Variants in DCDC1 observed in about 807,000 individuals in gnomAD.
DCDC1 encodes doublecortin domain-containing protein 1.
DCDC1 carries 200 observed loss-of-function variants against 178.3 expected under a neutral mutation model. The ratio of observed to expected loss-of-function variants is 1.12; its 90% confidence interval spans 1.00 to 1.26. DCDC1 has a LOEUF of 1.26. Among genes scored for constraint, DCDC1 ranks in the 50% most tolerant of loss-of-function variants. The probability of loss-of-function intolerance (pLI) is 0.00; values close to 1 mark genes in which losing one functional copy is unlikely to be tolerated. For synonymous variants in DCDC1, 690 were observed against 604.8 expected, an observed-to-expected ratio of 1.14 and a Z score of -2.07; for missense variants, 1,983 against 1,749.2, an observed-to-expected ratio of 1.13 and a Z score of -2.38.
chr11:31,128,094 T>C (rs1961903222), intron 10 of DCDC1, among the ~76,000 whole-genome samples: 1 of 152,012 alleles, frequency 6.6e-6, no homozygotes, highest in African/African-American at 2.4e-5. Context: ...TCAATATATA[T>C]ATTAAATTCA....
intron 38 of DCDC1, among the ~76,000 whole-genome samples, chr11:30,869,779 C>T (rs1002252895): frequency 1.3e-5 from 2 of 152,068 alleles, no homozygotes; most frequent in Non-Finnish European, 2.9e-5. Flanking sequence ...GGCTGAGAAC[C>T]CAGACTTCAG....
At chr11:31,041,728 A>G (rs1954469740) in intron 20 of DCDC1, among the ~76,000 whole-genome samples, 1 of 152,174 alleles carries the variant, frequency 6.6e-6, no homozygotes, top group East Asian at 1.9e-4. Flanking sequence ...CTGAAACACA[A>G]GAGAAAAAGA....
At chr11:31,189,051 T>C (rs1045894526) in intron 9 of DCDC1, among the ~76,000 whole-genome samples, 2 of 152,194 alleles carry the variant, frequency 1.3e-5, no homozygotes, top group African/African-American at 4.8e-5. Context: ...AGACACCGAA[T>C]TTGTTGGTGC....
chr11:30,953,928 T>C lies in DCDC1; in HGVS notation c.2592-1360A>G, dbSNP rs1365583391. ...TGTAAGACAAACCAAACAGAAAAAT[T>C]GAGCTAAATAGTTAACATTAACAAA... On this transcript the variant is annotated intron_variant, in intron 20 of 38. Coordinates refer to ENST00000684477, the MANE Select transcript of DCDC1 (RefSeq NM_001387274.1). 2.0e-5 allele frequency among the ~76,000 whole-genome samples: 3 copies of C among 151,620 alleles called. No homozygotes were observed. In the East Asian group the frequency reaches 5.8e-4, roughly 29 times the overall value.
chr11:31,331,319 A>G (rs1327841964), intron 2 of DCDC1, among the ~76,000 whole-genome samples: 1 of 152,230 alleles, frequency 6.6e-6, no homozygotes, highest in African/African-American at 2.4e-5. Flanking sequence ...CAATCATGTC[A>G]TCTGCAAACA....
chr11:31,300,700 A>G (rs1212845999), intron 6 of DCDC1, among the ~76,000 whole-genome samples: 1 of 152,140 alleles, frequency 6.6e-6, no homozygotes, highest in Non-Finnish European at 1.5e-5. Flanking sequence ...ACTATAGAAT[A>G]TATAAATGAA....
chr11:31,097,213 T>C (rs1958220370), intron 15 of DCDC1, among the ~76,000 whole-genome samples: 1 of 152,232 alleles, frequency 6.6e-6, no homozygotes, highest in Non-Finnish European at 1.5e-5. Context: ...TTAATTATTT[T>C]TCCCAAATAG....
At chr11:31,250,411 C>T (rs1407251763) in intron 8 of DCDC1, among the ~76,000 whole-genome samples, 3 of 97,596 alleles carry the variant, frequency 3.1e-5, no homozygotes, top group African/African-American at 1.2e-4. Context: ...CACACACACA[C>T]ACACATATAC....
intron 20 of DCDC1, among the ~76,000 whole-genome samples, chr11:31,047,514 T>C (rs1954924369): frequency 6.6e-6 from 1 of 152,198 alleles, no homozygotes; most frequent in Non-Finnish European, 1.5e-5. Context: ...TTAAAGTTTT[T>C]AACCTTATCT....
intron 9 of DCDC1, among the ~76,000 whole-genome samples, chr11:31,226,708 TAAA>T (rs35522659): frequency 7.6e-5 from 10 of 130,972 alleles, no homozygotes; most frequent in East Asian, 2.2e-4. Context: ...ATCTCATCTC[TAAA>T]AAAAAAAAAA....
chr11:30,875,649 C>T (rs959095523), intron 38 of DCDC1, among the ~76,000 whole-genome samples: 8 of 152,016 alleles, frequency 5.3e-5, no homozygotes, highest in South Asian at 2.1e-4. Context: ...TCAACAGCCA[C>T]GAGCCACAAT....
chr11:30,951,079 T>G (rs1948391253), intron 21 of DCDC1, among the ~76,000 whole-genome samples: 1 of 152,056 alleles, frequency 6.6e-6, no homozygotes, highest in Admixed American at 6.6e-5. Flanking sequence ...TTTGAAGAGT[T>G]GATAGGTGAT....
intron 20 of DCDC1, among the ~76,000 whole-genome samples, chr11:31,008,605 T>C (rs1030590559): frequency 8.5e-5 from 13 of 152,198 alleles, no homozygotes; most frequent in Non-Finnish European, 1.3e-4. Context: ...TCAGTTTCTT[T>C]TGTAAAACAC....
chr11:31,036,409 T>TG (rs1221258749), intron 20 of DCDC1, among the ~76,000 whole-genome samples: 5 of 152,198 alleles, frequency 3.3e-5, no homozygotes, highest in Non-Finnish European at 7.3e-5. Context: ...ATAATCATCA[T>TG]CAGTATCATT....
At chr11:31,029,792 G>A (rs565688652) in intron 20 of DCDC1, among the ~76,000 whole-genome samples, 65 of 151,934 alleles carry the variant, frequency 4.3e-4, no homozygotes, top group Non-Finnish European at 8.4e-4. Flanking sequence ...TTTCAATGAG[G>A]TTTTGTCTTA....
At chr11:31,180,384 T>C (rs906076030) in intron 9 of DCDC1, among the ~76,000 whole-genome samples, 20 of 152,174 alleles carry the variant, frequency 1.3e-4, no homozygotes, top group African/African-American at 4.8e-4. Context: ...TAGATATATA[T>C]CAAAACATTA....
chr11:31,201,348 C>A (rs977503447), intron 9 of DCDC1, among the ~76,000 whole-genome samples: 5 of 151,562 alleles, frequency 3.3e-5, no homozygotes, highest in African/African-American at 1.2e-4. Flanking sequence ...TTCTTTGTGG[C>A]CATTTTATAA....
At chr11:31,354,727 G>GTCGCCGT in intron 1 of DCDC1, among the ~76,000 whole-genome samples, 1 of 152,100 alleles carries the variant, frequency 6.6e-6, no homozygotes, top group East Asian at 1.9e-4. Context: ...AGGAAGAAAG[G>GTCGCCGT]AATTTAAAAA....
In DCDC1 at chr11:31,020,016, G is replaced by C. The variant is rs533259173; in HGVS notation, c.2591+44453C>G. Among the ~76,000 whole-genome samples the C allele has an allele frequency of 2.0e-5, 3 of 152,122 alleles. No homozygotes were observed. The South Asian group carries it at 6.2e-4, about 32-fold the overall frequency. ...CCATCTCCCTTTCAACCCCTTCATG[G>C]AACATGTAGCAATCTGTAAGCATGT... On this transcript the variant is annotated intron_variant, in intron 20 of 38. Coordinates refer to ENST00000684477, the MANE Select transcript of DCDC1 (RefSeq NM_001387274.1).
Sources: gnomAD v4.1 joint callset for allele counts (sites outside exome capture counted in the v4.1 genomes callset) on GRCh38, gnomAD v4.1.1 for gene constraint, MANE v1.5 for transcripts, NCBI Gene and HGNC (gene_info 2026-07-23, HGNC 2026-07-21) for gene names.